MIGA2: variants seen among roughly 807,000 people sequenced by gnomAD.
The protein encoded by MIGA2 is family with sequence similarity 73, member B.
MIGA2 carries 36 observed loss-of-function variants against 69.9 expected under a neutral mutation model. That is an observed-to-expected ratio of 0.52 (90% CI 0.39 to 0.68). MIGA2 has a LOEUF of 0.68. Among genes scored for constraint, MIGA2 ranks in the 30% least tolerant of loss-of-function variants. MIGA2 has a pLI of 0.00. For synonymous variants in MIGA2, 333 were observed against 349.2 expected (o/e 0.95, Z 0.52); for missense variants, 660 against 787.7 (o/e 0.84, Z 1.94).
chr9:129,065,570 G>A (rs1311077885), intron 11 of MIGA2, among the ~76,000 whole-genome samples: 2 of 150,702 alleles, frequency 1.3e-5, no homozygotes, highest in East Asian at 2.0e-4. Flanking sequence ...GGCTGGTCTC[G>A]AACTCCTGAC....
intron 3 of MIGA2, 106 bp downstream of exon 3, chr9:129,042,620 TC>T (rs1233696075): frequency 8.5e-7 from 1 of 1,181,206 alleles, no homozygotes; most frequent in Non-Finnish European, 1.2e-6. Context: ...TGTCTTCCTG[TC>T]TCAGAGCCAA....
intron 6 of MIGA2, among the ~76,000 whole-genome samples, chr9:129,057,462 T>C (rs1443166733): frequency 6.6e-6 from 1 of 150,570 alleles, no homozygotes; most frequent in Non-Finnish European, 1.5e-5. Flanking sequence ...CCCGGCTGAT[T>C]TTTTGTATTT....
chr9:129,054,524 A>T (rs1845700753), intron 6 of MIGA2, among the ~76,000 whole-genome samples: 2 of 152,010 alleles, frequency 1.3e-5, no homozygotes, highest in Non-Finnish European at 1.5e-5. Flanking sequence ...ACATTCCTTC[A>T]TTTCCCCCCA....
At chr9:129,052,077 C>T (rs1408554763) in intron 6 of MIGA2, among the ~76,000 whole-genome samples, 15 of 151,680 alleles carry the variant, frequency 9.9e-5, no homozygotes, top group East Asian at 3.9e-4. Context: ...CCGCCCGCCT[C>T]GGCCTCCCAA....
rs1329459804 is a variant in MIGA2, at chr9:129,042,420, G to A, written c.213G>A (p.Arg71=). 1 of 1,613,424 alleles carries A rather than the reference G, an allele frequency of 6.2e-7. No homozygotes were observed. The highest frequency in any genetic ancestry group is 8.5e-7 in the Non-Finnish European group (1 of 1,179,900). ...ACCAGCTGAAGAGGCGACGGAGGAG[G>A]AAGAAGCAGGTTGGTCCCGAGATGG... ...AAHQLKRRRR[R]KKQVGPEMGG... is the part of the protein sequence containing the mutation. Residue 71 remains arginine, a synonymous_variant, in exon 3 of 16, where the codon AGG becomes AGA. Coordinates refer to ENST00000684074, the MANE Select transcript of MIGA2 (RefSeq NM_001329990.2).
chr9:129,046,459 GT>G (rs796633939), intron 3 of MIGA2, among the ~76,000 whole-genome samples: 697 of 139,280 alleles, frequency 5.0e-3, no homozygotes, highest in African/African-American at 0.014. Context: ...CCCTGTCTCT[GT>G]TTTTTTTTTT....
chr9:129,043,817 C>T (rs768729863), intron 3 of MIGA2, among the ~76,000 whole-genome samples: 2 of 152,000 alleles, frequency 1.3e-5, no homozygotes, highest in Non-Finnish European at 2.9e-5. Context: ...TCTTCTGCCT[C>T]AGCCTCCGGA....
chr9:129,059,277 C>G lies in MIGA2; in HGVS notation c.793+6C>G, dbSNP rs1186762571. The G allele has an allele frequency of 1.3e-6, 2 of 1,565,002 alleles. No individual in the cohort carries two copies. The highest frequency in any genetic ancestry group is 1.7e-6 in the Non-Finnish European group (2 of 1,152,880). On this transcript the variant is annotated splice_donor_region_variant and intron_variant, in intron 7 of 15. Coordinates refer to ENST00000684074, the MANE Select transcript of MIGA2 (RefSeq NM_001329990.2). This position sits in a 1 kb window ranked among gnomAD's most constrained non-coding sequence, Gnocchi z 5.6. The stretch of plus-strand genomic sequence containing the variant: ...CAGCATGCTGCTAGACCTCGGTGAG[C>G]TGGGCCCAGTGCAGGTGGGGTGGGC...
chr9:129,072,053 C>G lies in MIGA2; in HGVS notation c.*1600C>G, dbSNP rs944177148. 6.6e-6 allele frequency: 1 copy of G among 152,586 alleles called. No individual in the cohort carries two copies. The highest frequency in any genetic ancestry group is 1.5e-5 in the Non-Finnish European group (1 of 68,038). 9.5% of individuals were successfully genotyped at this position (152,586 alleles called of 1,614,324 possible). ...TAGAGTGTGTGCACTGACTGTGAGTCGAATAAACAATTGAGACGATTTCCT... is the reference window on the plus strand; with the variant it reads ...TAGAGTGTGTGCACTGACTGTGAGTGGAATAAACAATTGAGACGATTTCCT... On this transcript the variant is annotated 3_prime_UTR_variant, in exon 16 of 16. Coordinates refer to ENST00000684074, the MANE Select transcript of MIGA2 (RefSeq NM_001329990.2).
intron 6 of MIGA2, among the ~76,000 whole-genome samples, 183 bp downstream of exon 6, chr9:129,050,146 T>C (rs990001566): frequency 6.6e-6 from 1 of 152,194 alleles, no homozygotes; most frequent in South Asian, 2.1e-4. Context: ...TGCCCGGCGC[T>C]TGGTAAAAAC....
chr9:129,063,171 A>G, intron 9 of MIGA2, 73 bp from the exon 10 acceptor site: 1 of 1,513,178 alleles, frequency 6.6e-7, no homozygotes, highest in East Asian at 2.3e-5. Flanking sequence ...CTCCCCACCC[A>G]GGTGCCACCT....
intron 1 of MIGA2, among the ~76,000 whole-genome samples, chr9:129,038,194 C>T (rs1844697158): frequency 6.6e-6 from 1 of 152,170 alleles, no homozygotes; most frequent in Admixed American, 6.6e-5. Context: ...TGTCTCTACC[C>T]CTGACAACCT....
intron 11 of MIGA2, among the ~76,000 whole-genome samples, chr9:129,064,744 A>G (rs1846250396): frequency 6.7e-6 from 1 of 149,928 alleles, no homozygotes; most frequent in East Asian, 2.0e-4. Context: ...TGGGCTTTAC[A>G]TATGCTGGTC....
chr9:129,060,474 G>C lies in MIGA2; in HGVS notation c.794-76G>C. 1 of 1,215,544 alleles carries C rather than the reference G, an allele frequency of 8.2e-7. No individual in the cohort carries two copies. The highest frequency in any genetic ancestry group is 1.2e-6 in the Non-Finnish European group (1 of 859,386). 75.3% of individuals were successfully genotyped at this position (1,215,544 alleles called of 1,614,324 possible). A position where few individuals can be genotyped will look rare whatever the true frequency, so the allele number is the denominator to read the frequency against. The stretch of plus-strand genomic sequence containing the variant: ...GAAGCCTCCCCTGGGCCTGATGGGG[G>C]ACTTCGTGTACCGGGATTCCAGCTG... On this transcript the variant is annotated intron_variant, in intron 7 of 15. Transcript: ENST00000684074. This position sits in a 1 kb window ranked among gnomAD's most constrained non-coding sequence, Gnocchi z 4.8.
intron 3 of MIGA2, among the ~76,000 whole-genome samples, chr9:129,042,920 C>T (rs972280929): frequency 1.4e-4 from 22 of 152,234 alleles, no homozygotes; most frequent in South Asian, 8.3e-4. Context: ...TTAGGCCGGG[C>T]GCGGTGGCTC....
intron 10 of MIGA2, 28 bp downstream of exon 10, chr9:129,063,344 G>T: frequency 6.2e-7 from 1 of 1,611,490 alleles, no homozygotes; most frequent in Non-Finnish European, 8.5e-7. Context: ...GTTCCTCGGG[G>T]GTGGGAGGCA....
chr9:129,038,593 C>G (rs1350203273), intron 1 of MIGA2, among the ~76,000 whole-genome samples: 1 of 152,050 alleles, frequency 6.6e-6, no homozygotes, highest in African/African-American at 2.4e-5. Flanking sequence ...CTGGGGCTTG[C>G]TACTTCCTGC....
rs1462390020 is a variant in MIGA2 at position 129,070,228 on chromosome 9, A to AC, written c.1576-17dup. On this transcript the variant is annotated intron_variant, in intron 15 of 15. Transcript: ENST00000684074. ...GGGCAGTGGCTGGGCCAGGCCTGAC[A>AC]CCAGCCCTGCTCCCCCAGCACCAGA... is the stretch of plus-strand genomic sequence containing the variant. 6.2e-7 allele frequency: 1 copy of AC among 1,606,880 alleles called. No individual in the cohort carries two copies. Among genetic ancestry groups the AC allele is most frequent in the South Asian group, 1.1e-5 (1 of 90,920 alleles).
intron 6 of MIGA2, among the ~76,000 whole-genome samples, chr9:129,052,146 G>A (rs1845581445): frequency 6.6e-6 from 1 of 151,230 alleles, no homozygotes; most frequent in Non-Finnish European, 1.5e-5. Flanking sequence ...TTATTTTTAA[G>A]GTGTGGCCTC....
Sources: allele counts gnomAD v4.1 joint callset (sites outside exome capture counted in the v4.1 genomes callset), GRCh38; gene constraint gnomAD v4.1.1; non-coding constraint Gnocchi (gnomAD v3.1); transcripts MANE v1.5; gene names NCBI Gene and HGNC (gene_info 2026-07-23, HGNC 2026-07-21).